Variants in CFTR observed in about 807,000 individuals in gnomAD.
CFTR encodes the protein CF transmembrane conductance regulator.
Under a neutral mutation model 171.6 loss-of-function variants are expected in CFTR, and 181 were observed. The ratio of observed to expected loss-of-function variants is 1.05; its 90% CI spans 0.93 to 1.19. The LOEUF (loss-of-function observed/expected upper bound fraction) is 1.19. Among genes scored for constraint, CFTR ranks in the 50% most tolerant of loss-of-function variants. CFTR has a pLI of 0.00. For synonymous variants in CFTR, 583 were observed against 608.0 expected (o/e 0.96, Z 0.60); for missense variants, 1,968 against 1,734.7 (o/e 1.13, Z -2.39).
intron 3 of CFTR, among the ~76,000 whole-genome samples, chr7:117,516,864 T>A (rs989558973): frequency 6.6e-6 from 1 of 152,178 alleles, no homozygotes; most frequent in Admixed American, 6.6e-5. Flanking sequence ...CTACTAGCCA[T>A]GTGATTTTGG....
chr7:117,620,266 T>C (rs902658836), intron 21 of CFTR, among the ~76,000 whole-genome samples: 2 of 152,212 alleles, frequency 1.3e-5, no homozygotes, highest in Admixed American at 6.5e-5. Flanking sequence ...CCTTGCCATG[T>C]GTGGCCTTGG....
intron 9 of CFTR, among the ~76,000 whole-genome samples, chr7:117,545,801 T>A (rs1371984953): frequency 6.6e-6 from 1 of 151,800 alleles, no homozygotes; most frequent in African/African-American, 2.4e-5. Flanking sequence ...ATCACTTATT[T>A]TTTTTTTTAA....
At chr7:117,652,084 G>C (rs1330395708) in intron 23 of CFTR, among the ~76,000 whole-genome samples, 1 of 152,162 alleles carries the variant, frequency 6.6e-6, no homozygotes, top group Admixed American at 6.6e-5. Flanking sequence ...CAATGAGACA[G>C]TGATTTTCTT....
intron 11 of CFTR, 101 bp downstream of exon 11, chr7:117,559,756 T>C: frequency 1.3e-6 from 1 of 797,694 alleles, no homozygotes; most frequent in Non-Finnish European, 2.1e-6. Context: ...TCTACATATA[T>C]TTATGTTTCC....
chr7:117,498,215 G>A (rs1218184010), intron 1 of CFTR, among the ~76,000 whole-genome samples: 1 of 152,062 alleles, frequency 6.6e-6, no homozygotes, highest in Non-Finnish European at 1.5e-5. Context: ...CTTTAATGGT[G>A]TTTACCTACC....
chr7:117,667,624 A>G lies in CFTR; in HGVS notation c.*516A>G, dbSNP rs1793407794. On this transcript the variant is annotated 3_prime_UTR_variant, in exon 27 of 27. Coordinates refer to ENST00000003084, the MANE Select transcript of CFTR (RefSeq NM_000492.4). ...TAGAAACACAACTATATTGTTTGCT[A>G]AGCATTCCAACTATCTCATTTCCAA... 4.9e-6 allele frequency: 1 copy of G among 203,810 alleles called. No individual in the cohort carries two copies. Among genetic ancestry groups the G allele is most frequent in the South Asian group, 8.7e-5 (1 of 11,498 alleles). 12.6% of individuals were successfully genotyped at this position (203,810 alleles called of 1,614,324 possible). A position where few individuals can be genotyped will look rare whatever the true frequency, so the allele number is the denominator to read the frequency against.
At chr7:117,531,864 T>C (rs1798871997) in intron 4 of CFTR, among the ~76,000 whole-genome samples, 1 of 152,196 alleles carries the variant, frequency 6.6e-6, no homozygotes, top group Non-Finnish European at 1.5e-5. Context: ...GATGGACTTA[T>C]TTGGATATTG....
At chr7:117,483,816 C>A (rs186879445) in intron 1 of CFTR, among the ~76,000 whole-genome samples, 1 of 152,148 alleles carries the variant, frequency 6.6e-6, no homozygotes, top group Admixed American at 6.5e-5. Context: ...CTCAAGTTAT[C>A]CTCCCACTCA....
At chr7:117,666,825 C>A in intron 26 of CFTR, 83 bp from the exon 27 acceptor site, 1 of 1,174,832 alleles carries the variant, frequency 8.5e-7, no homozygotes, top group Non-Finnish European at 1.3e-6. Flanking sequence ...CTTTTATTTT[C>A]CTTTGAGCCT....
chr7:117,594,869 A>G (rs1030877148), intron 14 of CFTR, 61 bp from the exon 15 acceptor site: 5 of 1,516,834 alleles, frequency 3.3e-6, no homozygotes, highest in Non-Finnish European at 4.6e-6. Flanking sequence ...TAAAAATAAA[A>G]CCACAATGGT....
chr7:117,661,940 C>A (rs1407175860), intron 24 of CFTR, among the ~76,000 whole-genome samples: 1 of 142,604 alleles, frequency 7.0e-6, no homozygotes, highest in African/African-American at 2.6e-5. Context: ...GACTCTAGAG[C>A]TGCAGTCTTA....
At chr7:117,621,917 A>G (rs1792588064) in intron 21 of CFTR, among the ~76,000 whole-genome samples, 1 of 152,160 alleles carries the variant, frequency 6.6e-6, no homozygotes, top group Admixed American at 6.6e-5. Context: ...ATGTTTACCA[A>G]AGTTCTTAGT....
chr7:117,541,639 T>A (rs1306646846), intron 8 of CFTR, among the ~76,000 whole-genome samples: 3 of 110,964 alleles, frequency 2.7e-5, no homozygotes, highest in African/African-American at 1.7e-4. Flanking sequence ...GCTATTAAGA[T>A]GAAGACATTC....
At chr7:117,654,897 G>A (rs1460203814) in intron 24 of CFTR, among the ~76,000 whole-genome samples, 1 of 152,104 alleles carries the variant, frequency 6.6e-6, no homozygotes. Flanking sequence ...CCTACCCCAG[G>A]CCTCTGCACT....
intron 11 of CFTR, among the ~76,000 whole-genome samples, chr7:117,582,484 C>T (rs979796448): frequency 6.6e-6 from 1 of 152,078 alleles, no homozygotes; most frequent in African/African-American, 2.4e-5. Context: ...TACACGCAAC[C>T]TGGAAGATCT....
intron 22 of CFTR, among the ~76,000 whole-genome samples, chr7:117,630,063 C>A (rs1314982794): frequency 6.6e-6 from 1 of 152,150 alleles, no homozygotes; most frequent in East Asian, 1.9e-4. Flanking sequence ...AAAGGGAAAA[C>A]GTAAGATCCA....
intron 17 of CFTR, among the ~76,000 whole-genome samples, chr7:117,605,707 G>A (rs907989413): frequency 2.0e-5 from 3 of 152,202 alleles, no homozygotes; most frequent in African/African-American, 7.2e-5. Context: ...GGAGGGAACC[G>A]CATGTGGAAA....
At chr7:117,616,252 A>G (rs1329833978) in intron 21 of CFTR, 1 of 149,486 alleles carries the variant, frequency 6.7e-6, no homozygotes, top group Non-Finnish European at 1.5e-5. Context: ...TTTTAGTTTG[A>G]TCAGCTCTCT....
chr7:117,516,361 G>C (rs892495092), intron 3 of CFTR, among the ~76,000 whole-genome samples: 1 of 152,094 alleles, frequency 6.6e-6, no homozygotes, highest in African/African-American at 2.4e-5. Context: ...GAGGGAAACT[G>C]TATAGTATAG....
Sources: gnomAD v4.1 joint callset for allele counts (sites outside exome capture counted in the v4.1 genomes callset) on GRCh38, gnomAD v4.1.1 for gene constraint, MANE v1.5 for transcripts, NCBI Gene and HGNC (gene_info 2026-07-23, HGNC 2026-07-21) for gene names.